The following SLMAP variants were observed in gnomAD, a reference collection of about 807,000 sequenced individuals.
SLMAP encodes the protein sarcolemmal membrane-associated protein.
In SLMAP, 44 loss-of-function variants were observed where a neutral mutation model predicts 128.8. The observed-to-expected ratio is 0.34, with a 90% CI of 0.27 to 0.44. The LOEUF is 0.44. SLMAP is among the 20% of genes least tolerant of loss of function. The pLI, the probability that SLMAP is intolerant of heterozygous loss-of-function variation, is 1.00. For missense variants in SLMAP, 787 were observed against 985.3 expected (o/e 0.80, Z 2.69); for synonymous variants, 327 against 348.8 (o/e 0.94, Z 0.70).
intron 14 of SLMAP, among the ~76,000 whole-genome samples, chr3:57,875,249 C>T (rs927196516): frequency 2.0e-5 from 3 of 152,130 alleles, no homozygotes; most frequent in Admixed American, 6.6e-5. Context: ...AAAAACCAGG[C>T]ACAGTGGCTC....
At chr3:57,765,752 A>G (rs761304407) in intron 2 of SLMAP, among the ~76,000 whole-genome samples, 9 of 152,208 alleles carry the variant, frequency 5.9e-5, no homozygotes, top group Non-Finnish European at 1.0e-4. Flanking sequence ...GACAAGTTGT[A>G]TTTAAGACAC....
chr3:57,913,274 A>G lies in SLMAP; in HGVS notation c.2137A>G (p.Asn713Asp), dbSNP rs141617477. 49 of 1,358,354 alleles carry G rather than the reference A, an allele frequency of 3.6e-5. No homozygotes were observed. The highest frequency in any genetic ancestry group is 4.8e-5 in the Non-Finnish European group (46 of 957,918). 84.1% of individuals were successfully genotyped at this position (1,358,354 alleles called of 1,614,324 possible). The change falls in exon 21 of 25, where the codon AAT (asparagine) becomes GAT (aspartate). Residue 713 changes from asparagine (N) to aspartate (D), a missense_variant and splice_region_variant. By Grantham distance (23) the Asn-to-Asp change is conservative (BLOSUM62 1). This residue lies in a region of SLMAP where 715 missense variants were observed against 843.6 expected (regional missense o/e 0.85). Transcript: ENST00000671191. ...GCAACGGCAAGAAAAAGAATTGCAC[A>G]AGTATGCAAGAACTCTCTGTTTTTC... ...ELQRQEKELH[N>D]SQKQSLELTS...
intron 10 of SLMAP, among the ~76,000 whole-genome samples, chr3:57,862,756 A>G (rs940255909): frequency 1.2e-4 from 19 of 152,182 alleles, no homozygotes; most frequent in African/African-American, 4.6e-4. Flanking sequence ...TGAAAGCAGG[A>G]TGTAGGTGGT....
At chr3:57,779,092 G>A (rs779277792) in intron 2 of SLMAP, among the ~76,000 whole-genome samples, 23 of 152,124 alleles carry the variant, frequency 1.5e-4, no homozygotes, top group Non-Finnish European at 2.9e-4. Flanking sequence ...ACGGAGTACT[G>A]TACAGTATTG....
chr3:57,845,901 G>C (rs1013430137), intron 4 of SLMAP, among the ~76,000 whole-genome samples: 1 of 151,832 alleles, frequency 6.6e-6, no homozygotes, highest in African/African-American at 2.4e-5. Flanking sequence ...GAGTGCAGTG[G>C]CATCATCTCG....
intron 3 of SLMAP, among the ~76,000 whole-genome samples, chr3:57,835,193 A>G (rs2093576122): frequency 6.7e-6 from 1 of 148,712 alleles, no homozygotes; most frequent in East Asian, 2.0e-4. Context: ...TAATCCCAGC[A>G]CTTTGGGAGG....
At chr3:57,804,252 A>G (rs185554350) in intron 2 of SLMAP, among the ~76,000 whole-genome samples, 1 of 152,266 alleles carries the variant, frequency 6.6e-6, no homozygotes, top group African/African-American at 2.4e-5. Flanking sequence ...TTGTCTAATT[A>G]CTAGCCTAGG....
At position 57,916,932 on chromosome 3, in the gene SLMAP, C is replaced by G. The variant is rs1343355489; in HGVS notation, c.2165C>G (p.Thr722Ser). 6.2e-7 allele frequency: 1 copy of G among 1,613,712 alleles called. No homozygotes were observed. Among genetic ancestry groups the G allele is most frequent in the Admixed American group, 1.7e-5 (1 of 59,976 alleles). The stretch of plus-strand genomic sequence containing the variant: ...TCTCAGAAGCAGAGTTTAGAGCTTA[C>G]CAGTGATCTCAGCATCCTTCAAATG... ...HNSQKQSLELTSDLSILQMSR... is the reference protein window; with the variant it reads ...HNSQKQSLELSSDLSILQMSR... Residue 722 changes from threonine to serine, a missense_variant, in exon 22 of 25, where the codon ACC becomes AGC. Thr to Ser is a moderately conservative substitution (Grantham distance 58). Coordinates refer to ENST00000671191, the MANE Select transcript of SLMAP (RefSeq NM_001377540.1).
At chr3:57,877,690 G>T (rs538597127) in intron 14 of SLMAP, among the ~76,000 whole-genome samples, 1 of 151,998 alleles carries the variant, frequency 6.6e-6, no homozygotes, top group Non-Finnish European at 1.5e-5. Context: ...AACTGCCCAG[G>T]TGACAATCTT....
At chr3:57,881,481 G>A (rs918056850) in intron 14 of SLMAP, among the ~76,000 whole-genome samples, 11 of 152,032 alleles carry the variant, frequency 7.2e-5, no homozygotes, top group Admixed American at 5.9e-4. Context: ...TTTTTGAGAC[G>A]GAGTCTTGCT....
At chr3:57,906,332 T>TTTTTTTTTTTTTTTC (rs1491216777) in intron 17 of SLMAP, among the ~76,000 whole-genome samples, 4 of 136,954 alleles carry the variant, frequency 2.9e-5, no homozygotes, top group Admixed American at 2.4e-4. Context: ...TTTTTTTTTT[T>TTTTTTTTTTTTTTTC]AGAGACACAG....
intron 7 of SLMAP, 68 bp from the exon 8 acceptor site, chr3:57,858,020 C>A: frequency 9.1e-7 from 1 of 1,102,952 alleles, no homozygotes; most frequent in Non-Finnish European, 1.4e-6. Context: ...TCAGTAGCAA[C>A]CTTTTTTTAT....
chr3:57,777,446 G>A (rs1296582834), intron 2 of SLMAP, among the ~76,000 whole-genome samples: 3 of 151,934 alleles, frequency 2.0e-5, no homozygotes, highest in Non-Finnish European at 4.4e-5. Flanking sequence ...ATAGCCAGGC[G>A]CAGTGGCACT....
rs761112383 is a variant in SLMAP at position 57,925,898 on chromosome 3, C to T, written c.2499C>T (p.Phe833=). Residue 833 remains phenylalanine, a synonymous_variant, in exon 24 of 25, where the codon TTC becomes TTT. Coordinates refer to ENST00000671191, the MANE Select transcript of SLMAP (RefSeq NM_001377540.1). ...TATTCATCGGCCTATTCCTGGCTTT[C>T]CTGTTTTGGTGTTTCGGTCCATTGT... is the stretch of plus-strand genomic sequence containing the variant. ...PAVFIGLFLA[F]LFWCFGPLW The T allele has an allele frequency of 3.8e-5, 59 of 1,551,038 alleles. No homozygotes were observed. Among genetic ancestry groups the T allele is most frequent in the Middle Eastern group, 1.7e-4 (1 of 6,020 alleles).
chr3:57,855,089 G>A (rs1194347282), intron 6 of SLMAP, among the ~76,000 whole-genome samples: 1 of 152,094 alleles, frequency 6.6e-6, no homozygotes, highest in Non-Finnish European at 1.5e-5. Flanking sequence ...AAAAATAACA[G>A]TATAAAAGAT....
At position 57,896,907 on chromosome 3, in the gene SLMAP, T is replaced by A; in HGVS notation, c.1476T>A (p.Pro492=). 6.2e-7 allele frequency: 1 copy of A among 1,612,880 alleles called. No homozygotes were observed. Among genetic ancestry groups the A allele is most frequent in the Non-Finnish European group, 8.5e-7 (1 of 1,179,662 alleles). The change falls in exon 17 of 25, where the codon CCT becomes CCA. Residue 492 remains proline, a synonymous_variant. Transcript: ENST00000671191. ...TGGATGAGCAAGACCTAAATGAGCC[T>A]CTTGCCAAAGTGTCCCTTTTAAAAG... ...AQMDEQDLNE[P]LAKVSLLKDD... is the part of the protein sequence containing the mutation.
chr3:57,833,208 G>T (rs2093440077), intron 3 of SLMAP, among the ~76,000 whole-genome samples: 1 of 152,162 alleles, frequency 6.6e-6, no homozygotes, highest in Non-Finnish European at 1.5e-5. Flanking sequence ...AGATAAGCAG[G>T]ACTTCTTGGA....
chr3:57,761,029 GTTT>G (rs755810231), intron 2 of SLMAP, among the ~76,000 whole-genome samples: 1 of 139,864 alleles, frequency 7.1e-6, no homozygotes, highest in African/African-American at 2.6e-5. Flanking sequence ...GCCCGGCCAG[GTTT>G]TTTTTTTTTT....
intron 2 of SLMAP, among the ~76,000 whole-genome samples, chr3:57,766,165 A>ATTTTTTTTTTTTTTTTTT (rs869169620): frequency 6.0e-4 from 51 of 85,690 alleles, no homozygotes; most frequent in East Asian, 7.8e-4. Context: ...CACCCGGCTA[A>ATTTTTTTTTTTTTTTTTT]TTTTTTTTTT....
Sources: gnomAD v4.1 joint callset for allele counts (sites outside exome capture counted in the v4.1 genomes callset) on GRCh38, gnomAD v4.1.1 for gene constraint, gnomAD v4.1.1 regional missense constraint, MANE v1.5 for transcripts, NCBI Gene and HGNC (gene_info 2026-07-23, HGNC 2026-07-21) for gene names.